ACTN1: variants seen among roughly 807,000 people sequenced by gnomAD.
The protein encoded by ACTN1 is alpha-actinin-1.
In ACTN1, 30 loss-of-function variants were observed where a neutral mutation model predicts 119.6. The ratio of observed to expected loss-of-function variants is 0.25; its 90% CI spans 0.19 to 0.34. ACTN1 has a LOEUF of 0.34. Ranked by LOEUF, ACTN1 falls within the 10% of genes least tolerant of loss-of-function variation. ACTN1 has a pLI of 1.00. For synonymous variants in ACTN1, 429 were observed against 472.6 expected (o/e 0.91, Z 1.20); for missense variants, 764 against 1,223.4 (o/e 0.62, Z 5.60).
intron 10 of ACTN1, 142 bp from the exon 11 acceptor site, chr14:68,890,428 G>T: frequency 9.9e-7 from 1 of 1,014,574 alleles, no homozygotes; most frequent in East Asian, 2.7e-5. Context: ...CCCTAGCCAG[G>T]CTGCCCCACC....
At chr14:68,963,958 T>A (rs1431752943) in intron 1 of ACTN1, among the ~76,000 whole-genome samples, 1 of 152,220 alleles carries the variant, frequency 6.6e-6, no homozygotes, top group African/African-American at 2.4e-5. Flanking sequence ...GCAACTAGCA[T>A]GCATCATGGA....
At position 68,925,477 on chromosome 14, in the gene ACTN1, G is replaced by A. The variant is rs1456492410; in HGVS notation, c.220+81C>T. On this transcript the variant is annotated intron_variant, in intron 2 of 21. Coordinates refer to ENST00000394419, the MANE Select transcript of ACTN1 (RefSeq NM_001130004.2). The surrounding 1 kb of genome is among the most constrained non-coding windows in gnomAD (Gnocchi z 4.3). ...TTGTTTCAAGAGACCAAAACCAGCTGCGCTCATAGGCAGAGCAGATGCCAA... is the reference window on the plus strand; with the variant it reads ...TTGTTTCAAGAGACCAAAACCAGCTACGCTCATAGGCAGAGCAGATGCCAA... 1.8e-6 allele frequency: 2 copies of A among 1,134,978 alleles called. No homozygotes were observed. The highest frequency in any genetic ancestry group is 1.6e-5 in the African/African-American group (1 of 63,230). 70.3% of individuals were successfully genotyped at this position (1,134,978 alleles called of 1,614,324 possible).
chr14:68,874,766 G>A lies in ACTN1; in HGVS notation c.*93C>T. The A allele has an allele frequency of 7.5e-7, 1 of 1,326,544 alleles. No individual in the cohort carries two copies. 82.2% of individuals were successfully genotyped at this position (1,326,544 alleles called of 1,614,324 possible). A position where few individuals can be genotyped will look rare whatever the true frequency, so the allele number is the denominator to read the frequency against. On this transcript the variant is annotated 3_prime_UTR_variant, in exon 22 of 22. Coordinates refer to ENST00000394419, the MANE Select transcript of ACTN1 (RefSeq NM_001130004.2). Reference sequence around the variant, plus strand: ...CCCCAGCTCACCCGGGTGGAGGCTGGGAGCTGAAACCGAACCCAGGCAGGA... The same window carrying A: ...CCCCAGCTCACCCGGGTGGAGGCTGAGAGCTGAAACCGAACCCAGGCAGGA...
intron 1 of ACTN1, chr14:68,977,782 A>C: frequency 2.8e-6 from 1 of 352,116 alleles, no homozygotes; most frequent in Admixed American, 3.8e-5. Flanking sequence ...GCACTATCCA[A>C]AGGGACGCGC....
intron 1 of ACTN1, among the ~76,000 whole-genome samples, chr14:68,959,668 A>G (rs540555211): frequency 1.3e-5 from 2 of 152,320 alleles, no homozygotes; most frequent in South Asian, 4.1e-4. Flanking sequence ...AAAAAAATCA[A>G]ACTCATAGAA....
chr14:68,899,737 T>C (rs2033184103), intron 8 of ACTN1, among the ~76,000 whole-genome samples: 1 of 151,974 alleles, frequency 6.6e-6, no homozygotes, highest in African/African-American at 2.4e-5. Flanking sequence ...CCAGCACCAA[T>C]GGGCATGAAG....
intron 1 of ACTN1, among the ~76,000 whole-genome samples, chr14:68,939,303 C>A (rs8003257): frequency 0.21 from 31,551 of 152,098 alleles, 3,395 homozygotes; most frequent in African/African-American, 0.24. Context: ...CACAGCCTCA[C>A]CCCTCCCAGG....
chr14:68,977,098 C>A (rs1398522372), intron 1 of ACTN1, among the ~76,000 whole-genome samples: 1 of 152,200 alleles, frequency 6.6e-6, no homozygotes, highest in African/African-American at 2.4e-5. Flanking sequence ...TACTCCTGCC[C>A]CTCCCAGGCA....
intron 1 of ACTN1, among the ~76,000 whole-genome samples, chr14:68,972,984 G>A (rs556510796): frequency 2.0e-5 from 3 of 152,340 alleles, no homozygotes; most frequent in Admixed American, 6.5e-5. Flanking sequence ...TGGTGCATGC[G>A]GAAGGGGCCA....
At position 68,925,452 on chromosome 14, in the gene ACTN1, T is replaced by C; in HGVS notation, c.220+106A>G. ...TGAATTCATACATGTCATCCCCAAC[T>C]TGTTTCAAGAGACCAAAACCAGCTG... On this transcript the variant is annotated intron_variant, in intron 2 of 21. Transcript: ENST00000394419. This position sits in a 1 kb window ranked among gnomAD's most constrained non-coding sequence, Gnocchi z 4.3. 2 of 775,760 alleles carry C rather than the reference T, an allele frequency of 2.6e-6. No homozygotes were observed. The highest frequency in any genetic ancestry group is 2.0e-6 in the Non-Finnish European group (1 of 512,336). 48.1% of individuals were successfully genotyped at this position (775,760 alleles called of 1,614,324 possible).
chr14:68,892,343 C>A, intron 9 of ACTN1, 60 bp from the exon 10 acceptor site: 1 of 1,535,576 alleles, frequency 6.5e-7, no homozygotes. Context: ...TGTGCTAGGG[C>A]CAGCCTCCCT....
At chr14:68,952,565 C>T (rs963196375) in intron 1 of ACTN1, among the ~76,000 whole-genome samples, 6 of 152,218 alleles carry the variant, frequency 3.9e-5, no homozygotes, top group Admixed American at 2.0e-4. Context: ...GTCCCTGTGC[C>T]GCAATGCCTA....
At chr14:68,920,274 T>C (rs1440006969) in intron 3 of ACTN1, among the ~76,000 whole-genome samples, 1 of 152,206 alleles carries the variant, frequency 6.6e-6, no homozygotes, top group Non-Finnish European at 1.5e-5. Flanking sequence ...CCACGATGTG[T>C]CTTGAATGAG....
intron 21 of ACTN1, 182 bp from the exon 22 acceptor site, chr14:68,875,199 C>T (rs1458825922): frequency 1.1e-5 from 16 of 1,455,072 alleles, no homozygotes; most frequent in African/African-American, 2.8e-5. Flanking sequence ...GCATACACAA[C>T]ATGTATTTTT....
chr14:68,955,881 A>T (rs2036337011), intron 1 of ACTN1, among the ~76,000 whole-genome samples: 1 of 152,230 alleles, frequency 6.6e-6, no homozygotes, highest in Non-Finnish European at 1.5e-5. Flanking sequence ...GCTCTAAGTC[A>T]TGGGGGTTTG....
chr14:68,960,110 T>C (rs904465895), intron 1 of ACTN1, among the ~76,000 whole-genome samples: 3 of 152,064 alleles, frequency 2.0e-5, no homozygotes, highest in South Asian at 2.1e-4. Context: ...TGTCTCCACA[T>C]TGAGTAGGCT....
intron 3 of ACTN1, among the ~76,000 whole-genome samples, chr14:68,913,469 G>A (rs1461215958): frequency 6.6e-6 from 1 of 152,148 alleles, no homozygotes; most frequent in African/African-American, 2.4e-5. Flanking sequence ...CAATTTCTAG[G>A]CAGTTCTGAC....
At chr14:68,978,218 T>C (rs544692704) in intron 1 of ACTN1, 1 of 456,200 alleles carries the variant, frequency 2.2e-6, no homozygotes, top group East Asian at 7.0e-5. Flanking sequence ...GCTGCCCACC[T>C]TTCCCGGGGG....
At chr14:68,921,212 A>G (rs749705971) in intron 2 of ACTN1, 87 bp from the exon 3 acceptor site, 7 of 1,532,922 alleles carry the variant, frequency 4.6e-6, no homozygotes, top group Non-Finnish European at 6.2e-6. Flanking sequence ...CATCCAAAGC[A>G]CAGCTTAGCT....
Sources: allele counts gnomAD v4.1 joint callset (sites outside exome capture counted in the v4.1 genomes callset), GRCh38; gene constraint gnomAD v4.1.1; non-coding constraint Gnocchi (gnomAD v3.1); transcripts MANE v1.5; gene names NCBI Gene and HGNC (gene_info 2026-07-23, HGNC 2026-07-21).